The following KAZN variants were observed in gnomAD, a reference collection of about 807,000 sequenced individuals.
KAZN encodes the protein kazrin.
A neutral mutation model predicts 87.4 loss-of-function variants in KAZN; 40 were observed. The observed-to-expected ratio is 0.46, with a 90% CI of 0.36 to 0.60. The LOEUF is 0.60. Ranked by LOEUF, KAZN falls within the 20% of genes least tolerant of loss-of-function variation. The pLI is 0.00. For missense variants in KAZN, 898 were observed against 1,073.9 expected (o/e 0.84, Z 2.29); for synonymous variants, 466 against 458.3 (o/e 1.02, Z -0.22).
intron 2 of KAZN, among the ~76,000 whole-genome samples, chr1:14,228,729 A>G (rs1647525504): frequency 6.6e-6 from 1 of 152,250 alleles, no homozygotes; most frequent in Non-Finnish European, 1.5e-5. Context: ...TCTAATGTTG[A>G]ACAAAAGGAA....
At chr1:14,788,425 C>T (rs367871930) in intron 1 of KAZN, among the ~76,000 whole-genome samples, 1 of 152,130 alleles carries the variant, frequency 6.6e-6, no homozygotes, top group Non-Finnish European at 1.5e-5. Context: ...CTAAGAGGTG[C>T]TTCGGGGAAG....
At chr1:14,760,549 C>T (rs1014151036) in intron 1 of KAZN, among the ~76,000 whole-genome samples, 10 of 152,198 alleles carry the variant, frequency 6.6e-5, no homozygotes, top group African/African-American at 1.7e-4. Context: ...CTCTCTCCTT[C>T]GTCCCCTCCT....
intron 1 of KAZN, among the ~76,000 whole-genome samples, chr1:14,609,374 C>A (rs898392129): frequency 1.3e-5 from 2 of 152,150 alleles, no homozygotes; most frequent in Non-Finnish European, 2.9e-5. Flanking sequence ...TAATGGAAGT[C>A]CTGTAGAGAA....
chr1:13,929,429 G>A (rs1363849510), intron 1 of KAZN, among the ~76,000 whole-genome samples: 1 of 152,212 alleles, frequency 6.6e-6, no homozygotes, highest in Non-Finnish European at 1.5e-5. Flanking sequence ...CCAAGGAAGA[G>A]ATGGATTGTC....
chr1:14,841,153 C>G (rs529718476), intron 1 of KAZN, among the ~76,000 whole-genome samples: 3 of 151,694 alleles, frequency 2.0e-5, no homozygotes, highest in African/African-American at 7.3e-5. Context: ...TGTGGTGGCT[C>G]ACGCTTGTAA....
intron 2 of KAZN, among the ~76,000 whole-genome samples, chr1:14,404,393 G>A (rs1177181212): frequency 6.6e-6 from 1 of 152,128 alleles, no homozygotes; most frequent in Admixed American, 6.6e-5. Flanking sequence ...GCTGCTTTTT[G>A]TTGAAAGGGA....
rs1023139518 is a variant in KAZN, at chr1:15,103,391, G to A, written c.1812G>A (p.Thr604=). 33 of 1,551,994 alleles carry A rather than the reference G, an allele frequency of 2.1e-5. 1 individual carries two copies. The highest frequency in any genetic ancestry group is 8.3e-5 in the South Asian group (7 of 84,072). ...ALQERRARCE[T]QNIDPVVWTN... is the part of the protein sequence containing the mutation. ...AGGAGCGCCGGGCCCGCTGCGAGAC[G>A]CAGAACATTGACCCCGTGGTGTGGA... The change falls in exon 12 of 15, where the codon ACG becomes ACA. Residue 604 remains threonine (T), a synonymous_variant. Transcript: ENST00000376030.
At chr1:14,344,187 T>C (rs1301959248) in intron 2 of KAZN, among the ~76,000 whole-genome samples, 3 of 117,916 alleles carry the variant, frequency 2.5e-5, no homozygotes, top group African/African-American at 1.1e-4. Context: ...TTTTGACAAA[T>C]ATTTACTGAA....
At chr1:14,641,983 T>C (rs1680439912) in intron 1 of KAZN, among the ~76,000 whole-genome samples, 1 of 152,170 alleles carries the variant, frequency 6.6e-6, no homozygotes, top group Non-Finnish European at 1.5e-5. Context: ...AGAAGACAAG[T>C]CCATTTTAAA....
chr1:13,916,039 G>C (rs1393737832), intron 1 of KAZN, among the ~76,000 whole-genome samples: 2 of 152,166 alleles, frequency 1.3e-5, no homozygotes, highest in Non-Finnish European at 1.5e-5. Flanking sequence ...TTCAGACCAA[G>C]CCCTAACCAG....
chr1:14,321,513 A>G (rs1425731908), intron 2 of KAZN, among the ~76,000 whole-genome samples: 1 of 152,178 alleles, frequency 6.6e-6, no homozygotes, highest in Non-Finnish European at 1.5e-5. Context: ...GAATTTAATT[A>G]CCAAGGAAGT....
chr1:14,771,293 A>G (rs1422081732), intron 1 of KAZN, among the ~76,000 whole-genome samples: 1 of 152,180 alleles, frequency 6.6e-6, no homozygotes, highest in East Asian at 1.9e-4. Flanking sequence ...TTTGAAAACA[A>G]AGATGCCAAG....
chr1:14,098,426 G>A (rs1418284906), intron 1 of KAZN, among the ~76,000 whole-genome samples: 1 of 152,150 alleles, frequency 6.6e-6, no homozygotes, highest in African/African-American at 2.4e-5. Flanking sequence ...TGCAGCTATA[G>A]TATGCTCCTT....
intron 1 of KAZN, among the ~76,000 whole-genome samples, chr1:14,827,947 G>C (rs804133): frequency 0.64 from 97,934 of 152,112 alleles, 31,794 homozygotes; most frequent in African/African-American, 0.73. Context: ...GTTGGCTGTG[G>C]CCCTTCCTGT....
chr1:14,810,762 G>A (rs1012908065), intron 1 of KAZN, among the ~76,000 whole-genome samples: 3 of 152,170 alleles, frequency 2.0e-5, no homozygotes, highest in East Asian at 1.9e-4. Context: ...CTAGAGGAGC[G>A]GCCTCCAGAC....
chr1:14,314,252 C>T (rs1655499183), intron 2 of KAZN, among the ~76,000 whole-genome samples: 1 of 152,178 alleles, frequency 6.6e-6, no homozygotes, highest in African/African-American at 2.4e-5. Flanking sequence ...TTGACCTGAT[C>T]TTGCAACACC....
intron 2 of KAZN, among the ~76,000 whole-genome samples, chr1:14,387,532 G>A (rs1459603188): frequency 6.6e-6 from 1 of 151,752 alleles, no homozygotes; most frequent in Non-Finnish European, 1.5e-5. Flanking sequence ...CCTTCTAACA[G>A]ACAGGACCCT....
chr1:14,702,980 G>T (rs1337601776), intron 1 of KAZN, among the ~76,000 whole-genome samples: 2 of 152,190 alleles, frequency 1.3e-5, no homozygotes, highest in African/African-American at 4.8e-5. Flanking sequence ...TAAGCACATA[G>T]GATTTTGTAA....
chr1:14,792,273 G>GACA (rs1645696557), intron 1 of KAZN, among the ~76,000 whole-genome samples: 1 of 152,226 alleles, frequency 6.6e-6, no homozygotes. Flanking sequence ...AGTCACCTGT[G>GACA]TGCAGGGAGG....
Sources: allele counts gnomAD v4.1 joint callset (sites outside exome capture counted in the v4.1 genomes callset), GRCh38; gene constraint gnomAD v4.1.1; transcripts MANE v1.5; gene names NCBI Gene and HGNC (gene_info 2026-07-23, HGNC 2026-07-21).